The following FRYL variants were observed in gnomAD, a reference collection of about 807,000 sequenced individuals.
The protein encoded by FRYL is FRY like transcription coactivator, also known as protein furry homolog-like.
In FRYL, 150 loss-of-function variants were observed where a neutral mutation model predicts 351.2. That is an observed-to-expected ratio of 0.43 (90% confidence interval 0.37 to 0.49). The LOEUF (loss-of-function observed/expected upper bound fraction) is 0.49, where lower values mean the gene tolerates loss of function less well. Ranked by LOEUF, FRYL falls within the 20% of genes least tolerant of loss-of-function variation. The probability of loss-of-function intolerance (pLI) is 0.00; values close to 1 mark genes in which losing one functional copy is unlikely to be tolerated. For synonymous variants in FRYL, 1,153 were observed against 1,257.1 expected, an observed-to-expected ratio of 0.92 and a Z score of 1.75; for missense variants, 3,036 against 3,619.3, an observed-to-expected ratio of 0.84 and a Z score of 4.13.
chr4:48,616,755 A>C (rs1358261214), intron 7 of FRYL, among the ~76,000 whole-genome samples: 1 of 152,232 alleles, frequency 6.6e-6, no homozygotes, highest in African/African-American at 2.4e-5. Context: ...GACTGAAACA[A>C]CCATTTATCA....
At chr4:48,704,229 C>T (rs1194122479) in intron 2 of FRYL, among the ~76,000 whole-genome samples, 2 of 151,962 alleles carry the variant, frequency 1.3e-5, no homozygotes, top group African/African-American at 2.4e-5. Context: ...AAATAAAAAA[C>T]ACCAACAAAC....
At chr4:48,728,714 T>C (rs1382923831) in intron 1 of FRYL, among the ~76,000 whole-genome samples, 2 of 152,146 alleles carry the variant, frequency 1.3e-5, no homozygotes, top group Non-Finnish European at 2.9e-5. Flanking sequence ...TCCCCAGAAT[T>C]TCTCCCCAGA....
chr4:48,549,030 C>T lies in FRYL; in HGVS notation c.4785-237G>A, dbSNP rs1415587439. On this transcript the variant is annotated intron_variant, in intron 39 of 63. Coordinates refer to ENST00000358350, the MANE Select transcript of FRYL (RefSeq NM_015030.2). This position sits in a 1 kb window ranked among gnomAD's most constrained non-coding sequence, Gnocchi z 4.2. ...AACTCAGGAGCCACATTTTCTTCAT[C>T]TTTCAACCTTGAGACTTAGCACACT... 6.6e-6 allele frequency among the ~76,000 whole-genome samples: 1 copy of T among 152,198 alleles called. No individual in the cohort carries two copies. Among genetic ancestry groups the T allele is most frequent in the Admixed American group, 6.5e-5 (1 of 15,276 alleles).
chr4:48,539,872 G>T, intron 47 of FRYL, 99 bp downstream of exon 47: 2 of 819,024 alleles, frequency 2.4e-6, no homozygotes, highest in Non-Finnish European at 3.8e-6. Context: ...CATATGGGAA[G>T]TGACAATAAA....
At chr4:48,626,660 TTCTAAACTG>T (rs2149342113) in intron 4 of FRYL, among the ~76,000 whole-genome samples, 1 of 152,248 alleles carries the variant, frequency 6.6e-6, no homozygotes, top group African/African-American at 2.4e-5. Context: ...CAGGATGATT[TTCTAAACTG>T]TCTATATCAT....
chr4:48,527,245 GA>G (rs1281206485), intron 53 of FRYL, among the ~76,000 whole-genome samples: 1 of 152,068 alleles, frequency 6.6e-6, no homozygotes, highest in Non-Finnish European at 1.5e-5. Context: ...AATTTTGAAG[GA>G]AGCCATTTTT....
At chr4:48,772,380 T>C (rs775004450) in intron 1 of FRYL, among the ~76,000 whole-genome samples, 1 of 152,070 alleles carries the variant, frequency 6.6e-6, no homozygotes, top group African/African-American at 2.4e-5. Flanking sequence ...AGCAAGACTC[T>C]GTGTCAAAAA....
chr4:48,767,831 G>C (rs142350904), intron 1 of FRYL, among the ~76,000 whole-genome samples: 1 of 152,312 alleles, frequency 6.6e-6, no homozygotes, highest in Non-Finnish European at 1.5e-5. Context: ...CCTAATCCTG[G>C]ATTGCAGCTA....
rs1737084340 is a variant in FRYL at position 48,567,652 on chromosome 4, A to G, written c.2997-232T>C. On this transcript the variant is annotated intron_variant, in intron 27 of 63. Coordinates refer to ENST00000358350, the MANE Select transcript of FRYL (RefSeq NM_015030.2). This position sits in a 1 kb window ranked among gnomAD's most constrained non-coding sequence, Gnocchi z 4.2. ...TGCAATTTATATTATTCAACTCCATATCTAACTTAAATCAACTCAGTGCTA... is the reference window on the plus strand; with the variant it reads ...TGCAATTTATATTATTCAACTCCATGTCTAACTTAAATCAACTCAGTGCTA... 6.6e-6 allele frequency among the ~76,000 whole-genome samples: 1 copy of G among 152,240 alleles called. No homozygotes were observed. The highest frequency in any genetic ancestry group is 1.5e-5 in the Non-Finnish European group (1 of 68,036).
chr4:48,654,008 G>T (rs1758269898), intron 3 of FRYL: 1 of 955,404 alleles, frequency 1.0e-6, no homozygotes, highest in Non-Finnish European at 1.3e-6. Context: ...GAACTATCCA[G>T]TTGAATAAAA....
intron 62 of FRYL, among the ~76,000 whole-genome samples, chr4:48,500,714 A>C (rs548638292): frequency 6.6e-6 from 1 of 152,304 alleles, no homozygotes; most frequent in African/African-American, 2.4e-5. Flanking sequence ...TAAAGTTAGC[A>C]TCTTTGAGGC....
chr4:48,647,203 G>A (rs1196087147), intron 3 of FRYL, among the ~76,000 whole-genome samples: 1 of 152,178 alleles, frequency 6.6e-6, no homozygotes, highest in Non-Finnish European at 1.5e-5. Context: ...AGGTTGGGCT[G>A]ATGGTAAGTC....
At chr4:48,651,231 T>C (rs994584162) in intron 3 of FRYL, among the ~76,000 whole-genome samples, 3 of 146,462 alleles carry the variant, frequency 2.0e-5, no homozygotes, top group Non-Finnish European at 4.5e-5. Flanking sequence ...TGTGTGTGTG[T>C]GTGTGTGTGT....
At chr4:48,537,765 G>C (rs1225163049) in intron 47 of FRYL, among the ~76,000 whole-genome samples, 1 of 152,126 alleles carries the variant, frequency 6.6e-6, no homozygotes, top group Non-Finnish European at 1.5e-5. Flanking sequence ...TCAGCAGCTC[G>C]ATATTCAAGG....
intron 56 of FRYL, 36 bp downstream of exon 56, chr4:48,514,992 C>T (rs2148792567): frequency 6.4e-7 from 1 of 1,562,824 alleles, no homozygotes; most frequent in Non-Finnish European, 8.7e-7. Flanking sequence ...GAGAGATTAT[C>T]CCCTCACTAC....
chr4:48,648,733 G>C (rs1757047360), intron 3 of FRYL, among the ~76,000 whole-genome samples: 1 of 152,102 alleles, frequency 6.6e-6, no homozygotes, highest in South Asian at 2.1e-4. Context: ...AATGAACCTT[G>C]GAAATACAGT....
chr4:48,758,637 T>C (rs1401530504), intron 1 of FRYL, among the ~76,000 whole-genome samples: 1 of 152,244 alleles, frequency 6.6e-6, no homozygotes, highest in Non-Finnish European at 1.5e-5. Flanking sequence ...TTGGTGGGAC[T>C]GTAAACTAGT....
At chr4:48,768,830 T>C (rs1438085424) in intron 1 of FRYL, among the ~76,000 whole-genome samples, 1 of 150,618 alleles carries the variant, frequency 6.6e-6, no homozygotes, top group Non-Finnish European at 1.5e-5. Flanking sequence ...AACAAAAAAA[T>C]TGATTAAATG....
intron 2 of FRYL, among the ~76,000 whole-genome samples, chr4:48,708,957 C>CT (rs1414402445): frequency 2.1e-5 from 3 of 143,622 alleles, no homozygotes; most frequent in African/African-American, 5.2e-5. Context: ...GAGTCTCACT[C>CT]TGTCTCCCAG....
Sources: gnomAD v4.1 joint callset for allele counts (sites outside exome capture counted in the v4.1 genomes callset) on GRCh38, gnomAD v4.1.1 for gene constraint, Gnocchi (gnomAD v3.1) non-coding constraint, MANE v1.5 for transcripts, NCBI Gene and HGNC (gene_info 2026-07-23, HGNC 2026-07-21) for gene names.